IMMP2L: variants seen among roughly 807,000 people sequenced by gnomAD.
The protein encoded by IMMP2L is inner mitochondrial membrane peptidase subunit 2.
In IMMP2L, 18 loss-of-function variants were observed where a neutral mutation model predicts 19.3. The observed-to-expected ratio is 0.93, with a 90% CI of 0.64 to 1.38. The LOEUF is 1.38. Ranked by LOEUF, IMMP2L falls within the 40% of genes most tolerant of loss-of-function variation. IMMP2L has a pLI of 0.00. For missense variants in IMMP2L, 233 were observed against 218.2 expected (o/e 1.07, Z -0.43); for synonymous variants, 76 against 73.0 (o/e 1.04, Z -0.21).
chr7:110,892,949 A>G (rs1270657773), intron 4 of IMMP2L, among the ~76,000 whole-genome samples: 3 of 152,160 alleles, frequency 2.0e-5, no homozygotes, highest in Admixed American at 6.6e-5. Context: ...GCTTCAGGCA[A>G]TCACTGTTAT....
intron 3 of IMMP2L, among the ~76,000 whole-genome samples, chr7:111,237,138 A>G (rs1233967939): frequency 6.6e-6 from 1 of 152,202 alleles, no homozygotes; most frequent in Non-Finnish European, 1.5e-5. Flanking sequence ...GATGGAATAA[A>G]TATTTCCACA....
chr7:110,948,521 A>G (rs1461589135), intron 4 of IMMP2L, among the ~76,000 whole-genome samples: 1 of 152,218 alleles, frequency 6.6e-6, no homozygotes, highest in Non-Finnish European at 1.5e-5. Flanking sequence ...AAGAAGCTAT[A>G]AATAACATGG....
chr7:111,223,072 AATG>A (rs756351340), intron 3 of IMMP2L, among the ~76,000 whole-genome samples: 53 of 152,166 alleles, frequency 3.5e-4, no homozygotes, highest in Admixed American at 2.0e-3. Flanking sequence ...AATGACATAG[AATG>A]ATACCAAATT....
chr7:110,772,380 G>A (rs954261117), intron 5 of IMMP2L, among the ~76,000 whole-genome samples: 1 of 152,054 alleles, frequency 6.6e-6, no homozygotes, highest in Non-Finnish European at 1.5e-5. Context: ...CTGCCTGCTG[G>A]ACCCCCAAGG....
At chr7:111,433,101 T>C (rs111964729) in intron 3 of IMMP2L, among the ~76,000 whole-genome samples, 7,003 of 151,808 alleles carry the variant, frequency 0.046, 269 homozygotes, top group South Asian at 0.083. Context: ...TGGCTCACAG[T>C]TCTGCATGTC....
chr7:111,322,657 T>A lies in IMMP2L; in HGVS notation c.239+164581A>T, dbSNP rs535067796. ...ATATTAATACTAATATACAAATACA[T>A]TTAATAGTGGTGTTCTCAGATCACG... On this transcript the variant is annotated intron_variant, in intron 3 of 5. Transcript: ENST00000405709. Among the ~76,000 whole-genome samples the A allele has an allele frequency of 4.0e-5, 6 of 151,604 alleles. No homozygotes were observed. The South Asian group carries it at 1.2e-3, about 32-fold the overall frequency.
intron 3 of IMMP2L, among the ~76,000 whole-genome samples, chr7:111,486,334 C>T (rs1185077206): frequency 2.0e-5 from 3 of 152,118 alleles, no homozygotes; most frequent in Non-Finnish European, 4.4e-5. Context: ...TGATGTCTTG[C>T]TTTTACCAAT....
chr7:111,284,213 T>C (rs1377353332), intron 3 of IMMP2L, among the ~76,000 whole-genome samples: 1 of 152,166 alleles, frequency 6.6e-6, no homozygotes, highest in Non-Finnish European at 1.5e-5. Flanking sequence ...ACAAAACTTC[T>C]AGATATATTT....
intron 3 of IMMP2L, among the ~76,000 whole-genome samples, chr7:111,064,180 C>A (rs890062854): frequency 1.3e-5 from 2 of 152,122 alleles, no homozygotes; most frequent in African/African-American, 4.8e-5. Flanking sequence ...AGAGCTTGTG[C>A]AGGGAAACTC....
chr7:111,350,123 AT>A (rs913845734), intron 3 of IMMP2L, among the ~76,000 whole-genome samples: 2 of 151,792 alleles, frequency 1.3e-5, no homozygotes, highest in Non-Finnish European at 2.9e-5. Context: ...GCACGCCACC[AT>A]GCCAGGCTAA....
At chr7:110,774,476 C>T (rs1584787243) in intron 5 of IMMP2L, among the ~76,000 whole-genome samples, 1 of 151,748 alleles carries the variant, frequency 6.6e-6, no homozygotes, top group Non-Finnish European at 1.5e-5. Flanking sequence ...AACAAAAAAC[C>T]CTTCACATAT....
chr7:111,481,285 T>G (rs1337491741), intron 3 of IMMP2L, among the ~76,000 whole-genome samples: 1 of 152,172 alleles, frequency 6.6e-6, no homozygotes, highest in African/African-American at 2.4e-5. Context: ...AATGACTTCT[T>G]TGGTGAGAAT....
intron 3 of IMMP2L, among the ~76,000 whole-genome samples, chr7:111,358,864 T>G (rs1433786797): frequency 2.0e-5 from 3 of 152,118 alleles, no homozygotes; most frequent in African/African-American, 7.2e-5. Context: ...AAGGAGAAGG[T>G]GCTGTGATTT....
At chr7:111,168,522 T>C (rs768932026) in intron 3 of IMMP2L, among the ~76,000 whole-genome samples, 1 of 151,924 alleles carries the variant, frequency 6.6e-6, no homozygotes, top group Non-Finnish European at 1.5e-5. Flanking sequence ...GTTTATATTT[T>C]TTGGGGGCAA....
chr7:111,530,154 G>A (rs1042458322), intron 1 of IMMP2L, among the ~76,000 whole-genome samples: 2 of 152,128 alleles, frequency 1.3e-5, no homozygotes, highest in African/African-American at 4.8e-5. Flanking sequence ...CTTTATCTCA[G>A]TAAGCAAAAT....
At chr7:110,667,925 G>C (rs558114398) in intron 5 of IMMP2L, among the ~76,000 whole-genome samples, 13 of 152,260 alleles carry the variant, frequency 8.5e-5, no homozygotes, top group African/African-American at 3.1e-4. Context: ...TTTCTGGTTT[G>C]TTGTTTCTGT....
chr7:111,072,268 C>T (rs749585098), intron 3 of IMMP2L, among the ~76,000 whole-genome samples: 21 of 152,068 alleles, frequency 1.4e-4, no homozygotes, highest in Non-Finnish European at 2.9e-4. Context: ...TTGGTGACTG[C>T]AAAACTATTT....
intron 2 of IMMP2L, among the ~76,000 whole-genome samples, chr7:111,493,653 G>C (rs944679762): frequency 5.3e-4 from 75 of 140,856 alleles, no homozygotes; most frequent in Middle Eastern, 5.4e-3. Flanking sequence ...TGCAGTGAGC[G>C]GAGATCGCGC....
intron 3 of IMMP2L, among the ~76,000 whole-genome samples, chr7:111,076,331 G>A (rs1229614459): frequency 6.6e-6 from 1 of 152,164 alleles, no homozygotes; most frequent in East Asian, 1.9e-4. Context: ...TCTATTCAAT[G>A]TGCCCCTGAG....
Sources: allele counts gnomAD v4.1 joint callset (sites outside exome capture counted in the v4.1 genomes callset), GRCh38; gene constraint gnomAD v4.1.1; transcripts MANE v1.5; gene names NCBI Gene and HGNC (gene_info 2026-07-23, HGNC 2026-07-21).